Variants in BAG3 observed in about 807,000 individuals in gnomAD.
The protein encoded by BAG3 is BAG cochaperone 3.
BAG3 carries 14 observed loss-of-function variants against 40.5 expected under a neutral mutation model. The ratio of observed to expected loss-of-function variants is 0.35; its 90% confidence interval spans 0.23 to 0.54. BAG3 has a LOEUF of 0.54. Among genes scored for constraint, BAG3 ranks in the 20% least tolerant of loss-of-function variants. The probability of loss-of-function intolerance (pLI) is 0.91; values close to 1 mark genes in which losing one functional copy is unlikely to be tolerated. For synonymous variants in BAG3, 302 were observed against 307.8 expected, an observed-to-expected ratio of 0.98 and a Z score of 0.20; for missense variants, 788 against 758.6, an observed-to-expected ratio of 1.04 and a Z score of -0.46.
Position 119,663,421 on chromosome 10 carries a change from A to G in BAG3, c.181-6430A>G, listed in dbSNP as rs145764545. On this transcript the variant is annotated intron_variant, in intron 1 of 3. Coordinates refer to ENST00000369085, the MANE Select transcript of BAG3 (RefSeq NM_004281.4). Reference sequence around the variant, plus strand: ...TTCAAGCGATTCTCGTGCATCATCAACTTCCTAAGCAGCTGGGATTATGAT... The same window carrying G: ...TTCAAGCGATTCTCGTGCATCATCAGCTTCCTAAGCAGCTGGGATTATGAT... 1.8e-4 allele frequency among the ~76,000 whole-genome samples: 28 copies of G among 152,060 alleles called. No homozygotes were observed. The South Asian group carries it at 4.4e-3, about 24-fold the overall frequency.
chr10:119,661,588 A>T (rs1465081544), intron 1 of BAG3, among the ~76,000 whole-genome samples: 1 of 152,048 alleles, frequency 6.6e-6, no homozygotes, highest in African/African-American at 2.4e-5. Flanking sequence ...TTTTTTTCCC[A>T]TTGAAAACAC....
chr10:119,664,502 A>T (rs896427947), intron 1 of BAG3, among the ~76,000 whole-genome samples: 16 of 152,226 alleles, frequency 1.1e-4, no homozygotes, highest in African/African-American at 3.6e-4. Flanking sequence ...TAGCCGAGAT[A>T]AGGATAATGA....
intron 1 of BAG3, among the ~76,000 whole-genome samples, chr10:119,669,232 C>T (rs556267113): frequency 5.3e-5 from 8 of 152,280 alleles, no homozygotes; most frequent in South Asian, 2.1e-4. Flanking sequence ...CATCGTTAGG[C>T]GACACAGTTA....
At chr10:119,657,735 C>T (rs970830536) in intron 1 of BAG3, among the ~76,000 whole-genome samples, 3 of 152,358 alleles carry the variant, frequency 2.0e-5, no homozygotes, top group African/African-American at 7.2e-5. Context: ...TCTGGAGAAG[C>T]TCTTTTTTGT....
chr10:119,658,588 C>G (rs1846947532), intron 1 of BAG3, among the ~76,000 whole-genome samples: 1 of 152,230 alleles, frequency 6.6e-6, no homozygotes, highest in Admixed American at 6.5e-5. Flanking sequence ...GCCTCTCCTG[C>G]TGCATTTTAC....
At chr10:119,675,778 T>TCCCCCTCCTTCCCTCCCCCTCCCTTC (rs1847212445) in intron 3 of BAG3, among the ~76,000 whole-genome samples, 1 of 61,484 alleles carries the variant, frequency 1.6e-5, no homozygotes, top group Non-Finnish European at 3.2e-5. Flanking sequence ...CCTCCTTCCC[T>TCCCCCTCCTTCCCTCCCCCTCCCTTC]CCCCCTCCCT....
chr10:119,673,620 C>T (rs532631245), intron 3 of BAG3, among the ~76,000 whole-genome samples: 333 of 152,340 alleles, frequency 2.2e-3, no homozygotes, highest in Middle Eastern at 3.4e-3. Flanking sequence ...GAAAGCCCCC[C>T]GTGAACAAAT....
Position 119,675,879 on chromosome 10 carries a change from CCCTT to C in BAG3, c.910-566_910-563del, listed in dbSNP as rs1352972779. Among the ~76,000 whole-genome samples the C allele has an allele frequency of 1.6e-3, 27 of 16,912 alleles. 1 individual carries two copies. The highest frequency in any genetic ancestry group is 1.4e-3 in the East Asian group (1 of 716). 11.1% of individuals were successfully genotyped at this position (16,912 alleles called of 152,430 possible). On this transcript the variant is annotated intron_variant, in intron 3 of 3. Coordinates refer to ENST00000369085, the MANE Select transcript of BAG3 (RefSeq NM_004281.4). Reference sequence around the variant, plus strand: ...CCCCCTTCCCCCTTGCCCCCTTCTCCCCTTCCTTCCTTCCTTCCTTCCCCCCTTC... The same window carrying C: ...CCCCCTTCCCCCTTGCCCCCTTCTCCCCTTCCTTCCTTCCTTCCCCCCTTC...
chr10:119,655,403 A>G (rs73351952), intron 1 of BAG3, among the ~76,000 whole-genome samples: 1,608 of 152,312 alleles, frequency 0.011, 37 homozygotes, highest in African/African-American at 0.037. Context: ...TTAACAGATT[A>G]TACTCAGGCA....
chr10:119,655,464 G>A (rs1672480824), intron 1 of BAG3, among the ~76,000 whole-genome samples: 2 of 152,200 alleles, frequency 1.3e-5, no homozygotes, highest in African/African-American at 4.8e-5. Context: ...GAAATGTTTC[G>A]AGTTATGATT....
intron 1 of BAG3, among the ~76,000 whole-genome samples, chr10:119,663,307 GT>G (rs1352929431): frequency 6.6e-6 from 1 of 151,896 alleles, no homozygotes; most frequent in Non-Finnish European, 1.5e-5. Flanking sequence ...TTTTTTTGTT[GT>G]TGTTTTTTTA....
At chr10:119,670,383 C>T (rs1225306866) in intron 2 of BAG3, among the ~76,000 whole-genome samples, 1 of 152,250 alleles carries the variant, frequency 6.6e-6, no homozygotes, top group Non-Finnish European at 1.5e-5. Flanking sequence ...GGCTGTTCTT[C>T]AGTGGGGCAG....
chr10:119,672,410 C>G lies in BAG3; in HGVS notation c.663C>G (p.Ala221=). The G allele has an allele frequency of 1.9e-6, 3 of 1,614,186 alleles. No individual in the cohort carries two copies. Among genetic ancestry groups the G allele is most frequent in the Non-Finnish European group, 2.5e-6 (3 of 1,180,034 alleles). ...AGCAGAACGTTACCCGGCCAGCAGC[C>G]CAGCCCTCCTTCCACCAAGCCCAGA... ...IHEQNVTRPA[A]QPSFHQAQKT... is the part of the protein sequence containing the mutation. Residue 221 remains alanine, a synonymous_variant, in exon 3 of 4, where the codon GCC becomes GCG. Coordinates refer to ENST00000369085, the MANE Select transcript of BAG3 (RefSeq NM_004281.4). The surrounding 1 kb of genome is among the most constrained non-coding windows in gnomAD (Gnocchi z 4.8).
At position 119,677,295 on chromosome 10, in the gene BAG3, A is replaced by G; in HGVS notation, c.*13A>G. ...AGCAGCACCGTAGCCTCTGCCCTGTAAAAATCAGACTCGGAACCGATGTGT... is the reference window on the plus strand; with the variant it reads ...AGCAGCACCGTAGCCTCTGCCCTGTGAAAATCAGACTCGGAACCGATGTGT... On this transcript the variant is annotated 3_prime_UTR_variant, in exon 4 of 4. Transcript: ENST00000369085. 2 of 1,613,616 alleles carry G rather than the reference A, an allele frequency of 1.2e-6. No homozygotes were observed. The highest frequency in any genetic ancestry group is 1.7e-6 in the Non-Finnish European group (2 of 1,179,996).
rs1381722756 is a variant in BAG3, at chr10:119,676,961, C to A, written c.1407C>A (p.Asp469Glu). 2 of 1,614,026 alleles carry A rather than the reference C, an allele frequency of 1.2e-6. No individual in the cohort carries two copies. Among genetic ancestry groups the A allele is most frequent in the African/African-American group, 1.3e-5 (1 of 74,898 alleles). Residue 469 changes from aspartate (D) to glutamate (E), a missense_variant, in exon 4 of 4, where the codon GAC (aspartate) becomes GAA (glutamate). By Grantham distance (45) the Asp-to-Glu change is conservative. Transcript: ENST00000369085. ...TKELLALDSV[D>E]PEGRADVRQA... is the part of the protein sequence containing the mutation. ...AGCTGCTGGCCCTGGATTCAGTGGA[C>A]CCCGAGGGACGAGCCGATGTGCGTC...
At chr10:119,662,351 A>G (rs938050373) in intron 1 of BAG3, among the ~76,000 whole-genome samples, 1 of 150,734 alleles carries the variant, frequency 6.6e-6, no homozygotes, top group Admixed American at 6.7e-5. Flanking sequence ...TTACAGGTGT[A>G]AGCCACCACG....
At chr10:119,657,802 A>G (rs1389220015) in intron 1 of BAG3, among the ~76,000 whole-genome samples, 1 of 152,266 alleles carries the variant, frequency 6.6e-6, no homozygotes, top group Non-Finnish European at 1.5e-5. Flanking sequence ...AGCTGGCAGC[A>G]GCCAGACCCT....
rs779686349 is a variant in BAG3 at position 119,669,934 on chromosome 10, G to T, written c.264G>T (p.Gln88His). 1 of 1,614,226 alleles carries T rather than the reference G, an allele frequency of 6.2e-7. No individual in the cohort carries two copies. Among genetic ancestry groups the T allele is most frequent in the South Asian group, 1.1e-5 (1 of 91,086 alleles). Residue 88 changes from glutamine (Q) to histidine (H), a missense_variant, in exon 2 of 4, where the codon CAG becomes CAT. Physicochemically the swap from Gln to His is conservative, Grantham distance 24. Coordinates refer to ENST00000369085, the MANE Select transcript of BAG3 (RefSeq NM_004281.4). ...GGGAAGGCCACCCTGTGTACCCCCA[G>T]CTCCGACCAGGCTACATTCCCATTC... ...PAREGHPVYP[Q>H]LRPGYIPIPV...
Position 119,677,193 on chromosome 10 carries a change from A to C in BAG3, c.1639A>C (p.Thr547Pro), listed in dbSNP as rs1057523768. The change falls in exon 4 of 4, where the codon ACA (threonine) becomes CCA (proline). Residue 547 changes from threonine (T) to proline (P), a missense_variant. By Grantham distance (38) the Thr-to-Pro change is conservative. Transcript: ENST00000369085. ...TGCTGGAAATGCAGAAGATCCCCAC[A>C]CAGAAACCCAGCAGCCAGAAGCCAC... Reference protein sequence around the residue: ...KNAGNAEDPHTETQQPEATAA... With the variant: ...KNAGNAEDPHPETQQPEATAA... The C allele has an allele frequency of 2.5e-6, 4 of 1,613,996 alleles. No individual in the cohort carries two copies. The highest frequency in any genetic ancestry group is 3.4e-6 in the Non-Finnish European group (4 of 1,180,038).
Sources: gnomAD v4.1 joint callset for allele counts (sites outside exome capture counted in the v4.1 genomes callset) on GRCh38, gnomAD v4.1.1 for gene constraint, Gnocchi (gnomAD v3.1) non-coding constraint, MANE v1.5 for transcripts, NCBI Gene and HGNC (gene_info 2026-07-23, HGNC 2026-07-21) for gene names.